The following CARHSP1 variants were observed in gnomAD, a reference collection of about 807,000 sequenced individuals.
CARHSP1 encodes the protein calcium-regulated heat-stable protein 1.
In CARHSP1, 14 loss-of-function variants were observed where a neutral mutation model predicts 12.5. The observed-to-expected ratio is 1.12, with a 90% confidence interval of 0.74 to 1.75. The LOEUF is 1.75. CARHSP1 is among the 40% of genes most tolerant of loss of function. The pLI, the probability that CARHSP1 is intolerant of heterozygous loss-of-function variation, is 0.00. For synonymous variants in CARHSP1, 161 were observed against 82.0 expected, an observed-to-expected ratio of 1.96 and a Z score of -5.20; for missense variants, 343 against 201.6, an observed-to-expected ratio of 1.70 and a Z score of -4.25.
intron 1 of CARHSP1, among the ~76,000 whole-genome samples, chr16:8,866,220 C>T (rs1302883523): frequency 1.3e-5 from 2 of 152,188 alleles, no homozygotes; most frequent in Non-Finnish European, 2.9e-5. Flanking sequence ...TCCCAAAGTG[C>T]TGGGATTACA....
intron 1 of CARHSP1, chr16:8,868,186 A>G (rs1421997994): frequency 1.3e-5 from 2 of 152,560 alleles, no homozygotes; most frequent in Non-Finnish European, 2.9e-5. Flanking sequence ...TTCCCCACCT[A>G]TTAAGACCCA....
intron 3 of CARHSP1, among the ~76,000 whole-genome samples, 171 bp from the exon 4 acceptor site, chr16:8,855,497 GC>G (rs2061070854): frequency 6.6e-6 from 1 of 152,014 alleles, no homozygotes; most frequent in Admixed American, 6.6e-5. Flanking sequence ...CTGCCACACT[GC>G]CCCCAGCCTC....
chr16:8,856,469 C>T (rs116632308), intron 3 of CARHSP1, among the ~76,000 whole-genome samples: 1 of 151,970 alleles, frequency 6.6e-6, no homozygotes. Context: ...CTAAATATTT[C>T]TTTGCCCCAA....
rs1031105924 is a variant in CARHSP1 at position 8,855,096 on chromosome 16, C to T, written c.*68G>A. On this transcript the variant is annotated 3_prime_UTR_variant, in exon 4 of 4. Coordinates refer to ENST00000311052, the MANE Select transcript of CARHSP1 (RefSeq NM_014316.4). ...GTCTCGTGTGGAAGAATGTCATCTC[C>T]AGTGTCTGCTGCCTCCTCCCTGCAA... 19 of 1,362,238 alleles carry T rather than the reference C, an allele frequency of 1.4e-5. No individual in the cohort carries two copies. Among genetic ancestry groups the T allele is most frequent in the Middle Eastern group, 1.9e-4 (1 of 5,164 alleles). 84.4% of individuals were successfully genotyped at this position (1,362,238 alleles called of 1,614,324 possible). A position where few individuals can be genotyped will look rare whatever the true frequency, so the allele number is the denominator to read the frequency against.
intron 1 of CARHSP1, chr16:8,860,363 G>A (rs1487954647): frequency 3.0e-6 from 3 of 985,464 alleles, no homozygotes; most frequent in Non-Finnish European, 3.6e-6. Context: ...GGTAAATCCA[G>A]CTGGAGGGCG....
chr16:8,855,378 T>C (rs767510160), intron 3 of CARHSP1, 52 bp from the exon 4 acceptor site: 2 of 1,408,054 alleles, frequency 1.4e-6, no homozygotes, highest in Admixed American at 2.4e-5. Context: ...CACAGCTCCC[T>C]TCCCCAAGAC....
chr16:8,860,615 C>A (rs907958190), intron 1 of CARHSP1: 2 of 577,560 alleles, frequency 3.5e-6, no homozygotes, highest in Non-Finnish European at 4.4e-6. Context: ...TTGGCACCTG[C>A]GCAGGGCTGG....
chr16:8,862,558 G>A (rs2061384847), intron 1 of CARHSP1, among the ~76,000 whole-genome samples: 1 of 152,098 alleles, frequency 6.6e-6, no homozygotes. Context: ...ACAGACAGAA[G>A]GGGATAGGGG....
At chr16:8,860,127 G>A in intron 1 of CARHSP1, 1 of 985,418 alleles carries the variant, frequency 1.0e-6, no homozygotes. Context: ...TCCGCCTCCA[G>A]GGAACTGTGG....
At chr16:8,858,754 T>A (rs888468366) in intron 2 of CARHSP1, 1 of 467,190 alleles carries the variant, frequency 2.1e-6, no homozygotes, top group African/African-American at 1.9e-5. Flanking sequence ...CTCCAGAAAC[T>A]AATGATTTAC....
intron 1 of CARHSP1, among the ~76,000 whole-genome samples, chr16:8,863,286 C>CATTTTGTGT (rs2061400521): frequency 6.6e-6 from 1 of 151,464 alleles, no homozygotes; most frequent in African/African-American, 2.4e-5. Context: ...ACAACCAGCT[C>CATTTTGTGT]ATTTTTTGTA....
rs1007240215 is a variant in CARHSP1 at position 8,853,929 on chromosome 16, T to C, written c.*1235A>G. On this transcript the variant is annotated 3_prime_UTR_variant, in exon 4 of 4. Coordinates refer to ENST00000311052, the MANE Select transcript of CARHSP1 (RefSeq NM_014316.4). ...GATGAAACCTGGTCTCTACTAAAAA[T>C]ACAAAAATTAACCGGGTGTGGTGGC... is the stretch of plus-strand genomic sequence containing the variant. 5 of 152,080 alleles carry C rather than the reference T, an allele frequency of 3.3e-5. No homozygotes were observed. The highest frequency in any genetic ancestry group is 6.5e-5 in the Admixed American group (1 of 15,278). 9.4% of individuals were successfully genotyped at this position (152,080 alleles called of 1,614,324 possible). A position where few individuals can be genotyped will look rare whatever the true frequency, so the allele number is the denominator to read the frequency against.
intron 1 of CARHSP1, chr16:8,868,278 C>A (rs1030593865): frequency 6.6e-6 from 1 of 152,202 alleles, no homozygotes; most frequent in African/African-American, 2.4e-5. Flanking sequence ...GGGCCGGAGG[C>A]TTCCTTTTTA....
chr16:8,855,821 T>G (rs1446224036), intron 3 of CARHSP1, among the ~76,000 whole-genome samples: 2 of 152,162 alleles, frequency 1.3e-5, no homozygotes, highest in Non-Finnish European at 2.9e-5. Flanking sequence ...ATTCCCCAGT[T>G]TCCCAGCCTG....
intron 1 of CARHSP1, chr16:8,860,550 C>G: frequency 5.1e-6 from 5 of 984,508 alleles, no homozygotes; most frequent in Non-Finnish European, 6.0e-6. Flanking sequence ...AGTCCTTTCC[C>G]ATCTCTGGGC....
intron 3 of CARHSP1, among the ~76,000 whole-genome samples, chr16:8,856,864 C>T (rs1017247589): frequency 6.6e-6 from 1 of 152,136 alleles, no homozygotes; most frequent in Non-Finnish European, 1.5e-5. Context: ...GGCTGGGTGC[C>T]TTCCAGCCCA....
rs1270962391 is a variant in CARHSP1, at chr16:8,867,787, G to A, written c.-8+1179C>T. ...ACCCCGAGCCCAGAGGAGGGCCAAA[G>A]GCCCGAAGGGAGGGAGAACAGAGGC... On this transcript the variant is annotated intron_variant, in intron 1 of 3. Transcript: ENST00000311052. The A allele has an allele frequency of 3.9e-5, 6 of 152,526 alleles. No individual in the cohort carries two copies. The East Asian group carries it at 1.2e-3, about 29-fold the overall frequency. 9.4% of individuals were successfully genotyped at this position (152,526 alleles called of 1,614,324 possible). A position where few individuals can be genotyped will look rare whatever the true frequency, so the allele number is the denominator to read the frequency against.
chr16:8,856,480 C>T (rs187364493), intron 3 of CARHSP1, among the ~76,000 whole-genome samples: 30 of 151,948 alleles, frequency 2.0e-4, no homozygotes, highest in Admixed American at 1.7e-3. Context: ...TTTGCCCCAA[C>T]CTCTATGTTT....
At chr16:8,862,714 G>A (rs964098637) in intron 1 of CARHSP1, among the ~76,000 whole-genome samples, 5 of 152,204 alleles carry the variant, frequency 3.3e-5, no homozygotes, top group African/African-American at 7.2e-5. Flanking sequence ...GGGTGGGACT[G>A]AGGCCAGTGG....
Sources: gnomAD v4.1 joint callset for allele counts (sites outside exome capture counted in the v4.1 genomes callset) on GRCh38, gnomAD v4.1.1 for gene constraint, MANE v1.5 for transcripts, NCBI Gene and HGNC (gene_info 2026-07-23, HGNC 2026-07-21) for gene names.